ARRB1: variants seen among roughly 807,000 people sequenced by gnomAD.
The protein encoded by ARRB1 is beta-arrestin-1.
In ARRB1, 21 loss-of-function variants were observed where a neutral mutation model predicts 56.8. The observed-to-expected ratio is 0.37, with a 90% CI of 0.26 to 0.53. The LOEUF (loss-of-function observed/expected upper bound fraction) is 0.53. Among genes scored for constraint, ARRB1 ranks in the 20% least tolerant of loss-of-function variants. The probability of loss-of-function intolerance (pLI) is 0.88; values close to 1 mark genes in which losing one functional copy is unlikely to be tolerated. For synonymous variants in ARRB1, 210 were observed against 218.6 expected, an observed-to-expected ratio of 0.96 and a Z score of 0.35; for missense variants, 424 against 553.7, an observed-to-expected ratio of 0.77 and a Z score of 2.35.
At chr11:75,305,688 C>T (rs78839836) in intron 1 of ARRB1, among the ~76,000 whole-genome samples, 1,714 of 152,256 alleles carry the variant, frequency 0.011, 22 homozygotes, top group African/African-American at 0.037. Context: ...CCTAGGCAGA[C>T]GACTCAGCAC....
intron 4 of ARRB1, 61 bp from the exon 5 acceptor site, chr11:75,283,544 G>A: frequency 6.7e-7 from 1 of 1,488,792 alleles, no homozygotes; most frequent in African/African-American, 1.4e-5. Flanking sequence ...GCCCCCCAGA[G>A]TGCCGGCAGC....
intron 5 of ARRB1, 115 bp from the exon 6 acceptor site, chr11:75,282,136 C>T: frequency 9.6e-7 from 1 of 1,041,944 alleles, no homozygotes; most frequent in South Asian, 1.4e-5. Flanking sequence ...AGGGGACAGG[C>T]CATGTCTATC....
At chr11:75,310,433 G>A (rs1033872455) in intron 1 of ARRB1, among the ~76,000 whole-genome samples, 6 of 152,172 alleles carry the variant, frequency 3.9e-5, no homozygotes, top group East Asian at 1.9e-4. Context: ...ATAAGGAATC[G>A]CATGTAAGAA....
At chr11:75,287,279 T>G in intron 3 of ARRB1, 36 bp downstream of exon 3, 1 of 1,540,042 alleles carries the variant, frequency 6.5e-7, no homozygotes, top group East Asian at 2.5e-5. Context: ...CAGCCACATC[T>G]TCCCCCAGCC....
chr11:75,283,282 C>T lies in ARRB1; in HGVS notation c.354+5G>A, dbSNP rs1946390431. 6.3e-7 allele frequency: 1 copy of T among 1,589,522 alleles called. No individual in the cohort carries two copies. The highest frequency in any genetic ancestry group is 1.3e-5 in the African/African-American group (1 of 74,368). ...AATGGGGCCCCAGGGATGGCAGTTC[C>T]TGACCTCAAAGGTGAAAGGGTAAGC... On this transcript the variant is annotated splice_donor_5th_base_variant and intron_variant, in intron 5 of 15. Coordinates refer to ENST00000420843, the MANE Select transcript of ARRB1 (RefSeq NM_004041.5).
chr11:75,322,029 A>T (rs1352540608), intron 1 of ARRB1, among the ~76,000 whole-genome samples: 1 of 152,244 alleles, frequency 6.6e-6, no homozygotes, highest in Non-Finnish European at 1.5e-5. Context: ...GGCATCATAC[A>T]AACAAGTATA....
At chr11:75,289,958 G>T (rs925990073) in intron 2 of ARRB1, 51 bp downstream of exon 2, 23 of 1,613,136 alleles carry the variant, frequency 1.4e-5, no homozygotes, top group South Asian at 2.2e-5. Flanking sequence ...AAGAGAAAAT[G>T]ACCAGAGTGT....
Position 75,281,100 on chromosome 11 carries a change from T to C in ARRB1, c.457A>G (p.Asn153Asp). 1 of 1,603,350 alleles carries C rather than the reference T, an allele frequency of 6.2e-7. No individual in the cohort carries two copies. Reference protein sequence around the residue: ...DYEVKAFCAENLEEKIHKRNS... With the variant: ...DYEVKAFCAEDLEEKIHKRNS... ...CGCTTGTGGATCTTCTCCTCCAAAT[T>C]CTCCGCGCAGAAGGCTTTGACTTCA... The change falls in exon 7 of 16, where the codon AAT (asparagine) becomes GAT (aspartate). Residue 153 changes from asparagine to aspartate, a missense_variant. Physicochemically the swap from Asn to Asp is conservative, Grantham distance 23. This residue lies in a region of ARRB1 where 301 missense variants were observed against 387.9 expected (regional missense o/e 0.78). Transcript: ENST00000420843.
chr11:75,267,571 T>C (rs986440231), intron 15 of ARRB1, 81 bp downstream of exon 15: 4 of 1,412,912 alleles, frequency 2.8e-6, no homozygotes, highest in Admixed American at 1.8e-5. Flanking sequence ...CAGGAGTTAA[T>C]AAGCATATAT....
intron 3 of ARRB1, among the ~76,000 whole-genome samples, chr11:75,286,184 C>T (rs1454154135): frequency 6.6e-6 from 1 of 151,154 alleles, no homozygotes; most frequent in Non-Finnish European, 1.5e-5. Flanking sequence ...ATCACTCCTG[C>T]CCTGGACCCA....
intron 7 of ARRB1, among the ~76,000 whole-genome samples, chr11:75,280,136 G>A (rs1946292798): frequency 6.6e-6 from 1 of 152,164 alleles, no homozygotes. Context: ...GGTAGGGTGA[G>A]AGGGGTGGCT....
chr11:75,333,567 T>G (rs893092108), intron 1 of ARRB1, among the ~76,000 whole-genome samples: 1 of 152,186 alleles, frequency 6.6e-6, no homozygotes, highest in African/African-American at 2.4e-5. Context: ...TCAGCATGTA[T>G]TGAGCACCTA....
intron 8 of ARRB1, 21 bp from the exon 9 acceptor site, chr11:75,277,469 C>T (rs185849248): frequency 1.6e-5 from 26 of 1,610,164 alleles, no homozygotes; most frequent in African/African-American, 6.7e-5. Flanking sequence ...TAAGAAGGGA[C>T]GGGGTTGGCT....
chr11:75,351,455 G>A (rs1283011510), intron 1 of ARRB1, 133 bp downstream of exon 1: 29 of 1,350,598 alleles, frequency 2.1e-5, no homozygotes, highest in Middle Eastern at 1.9e-4. Context: ...AGGAGACCTC[G>A]GGTGGAGGAG....
intron 1 of ARRB1, chr11:75,335,124 G>C: frequency 8.6e-6 from 2 of 233,108 alleles, no homozygotes; most frequent in South Asian, 9.0e-5. Flanking sequence ...GAAGGGCCCA[G>C]AGGCGATCTG....
At chr11:75,288,042 T>C (rs1946523608) in intron 2 of ARRB1, among the ~76,000 whole-genome samples, 1 of 152,084 alleles carries the variant, frequency 6.6e-6, no homozygotes, top group Non-Finnish European at 1.5e-5. Flanking sequence ...TTTGCATTTA[T>C]AGTAGAGATG....
In ARRB1 at chr11:75,343,282, G is replaced by A. The variant is rs554843461; in HGVS notation, c.20+8306C>T. ...CAGTGAGGGCTTCCCAGAGGAAGAG[G>A]TGTATGTGATCCAGGCCTTGAAGGA... On this transcript the variant is annotated intron_variant, in intron 1 of 15. Transcript: ENST00000420843. 2.6e-5 allele frequency among the ~76,000 whole-genome samples: 4 copies of A among 152,308 alleles called. No homozygotes were observed. In the East Asian group the frequency reaches 7.7e-4, roughly 29 times the overall value.
At chr11:75,327,291 A>G (rs1947452441) in intron 1 of ARRB1, among the ~76,000 whole-genome samples, 1 of 135,074 alleles carries the variant, frequency 7.4e-6, no homozygotes, top group Non-Finnish European at 1.6e-5. Context: ...GACAGAGCGA[A>G]ACTCCATCTC....
chr11:75,276,911 A>G lies in ARRB1; in HGVS notation c.704T>C (p.Val235Ala), dbSNP rs780040342. The change falls in exon 10 of 16, where the codon GTG (valine) becomes GCG (alanine). Residue 235 changes from valine (V) to alanine (A), a missense_variant and splice_region_variant. Val to Ala is a moderately conservative substitution (Grantham distance 64). This residue lies in a region of ARRB1 where 301 missense variants were observed against 387.9 expected (regional missense o/e 0.78). Coordinates refer to ENST00000420843, the MANE Select transcript of ARRB1 (RefSeq NM_004041.5). ...NKTVKKIKIS[V>A]RQYADICLFN... Reference sequence around the variant, plus strand: ...AAGGCAGATGTCTGCATACTGGCGCACTAGGGAGGGAGAGGAATCAAGGTG... The same window carrying G: ...AAGGCAGATGTCTGCATACTGGCGCGCTAGGGAGGGAGAGGAATCAAGGTG... 4 of 1,614,140 alleles carry G rather than the reference A, an allele frequency of 2.5e-6. No homozygotes were observed. The highest frequency in any genetic ancestry group is 3.4e-6 in the Non-Finnish European group (4 of 1,179,986).
Sources: gnomAD v4.1 joint callset for allele counts (sites outside exome capture counted in the v4.1 genomes callset) on GRCh38, gnomAD v4.1.1 for gene constraint, gnomAD v4.1.1 regional missense constraint, MANE v1.5 for transcripts, NCBI Gene and HGNC (gene_info 2026-07-23, HGNC 2026-07-21) for gene names.